NEGR1: variants seen among roughly 807,000 people sequenced by gnomAD.
NEGR1 encodes IgLON family member 4.
NEGR1 carries 10 observed loss-of-function variants against 40.9 expected under a neutral mutation model. That is an observed-to-expected ratio of 0.24 (90% CI 0.15 to 0.42). NEGR1 has a LOEUF of 0.42. Ranked by LOEUF, NEGR1 falls within the 10% of genes least tolerant of loss-of-function variation. NEGR1 has a pLI of 1.00. For missense variants in NEGR1, 352 were observed against 438.9 expected, an observed-to-expected ratio of 0.80 and a Z score of 1.77; for synonymous variants, 185 against 166.8, an observed-to-expected ratio of 1.11 and a Z score of -0.84.
At chr1:72,117,507 T>A (rs1017722086) in intron 1 of NEGR1, among the ~76,000 whole-genome samples, 3 of 151,734 alleles carry the variant, frequency 2.0e-5, no homozygotes, top group African/African-American at 7.2e-5. Context: ...ATATAAAACA[T>A]CTAGAATGAG....
At chr1:71,983,396 T>A (rs1646369759) in intron 1 of NEGR1, among the ~76,000 whole-genome samples, 1 of 152,140 alleles carries the variant, frequency 6.6e-6, no homozygotes. Context: ...TCAGATTAAA[T>A]AGCTTTTTAT....
intron 6 of NEGR1, among the ~76,000 whole-genome samples, chr1:71,552,761 T>A (rs1267526224): frequency 6.6e-6 from 1 of 151,306 alleles, no homozygotes; most frequent in African/African-American, 2.4e-5. Flanking sequence ...CTGAATAAAA[T>A]CTGGGTTTAC....
At chr1:72,065,353 G>A (rs1161848868) in intron 1 of NEGR1, among the ~76,000 whole-genome samples, 3 of 151,926 alleles carry the variant, frequency 2.0e-5, no homozygotes, top group Non-Finnish European at 2.9e-5. Flanking sequence ...TTACTGTCAG[G>A]TCCTAAATGG....
At chr1:71,920,420 C>G (rs1645705351) in intron 2 of NEGR1, among the ~76,000 whole-genome samples, 2 of 152,050 alleles carry the variant, frequency 1.3e-5, no homozygotes, top group African/African-American at 4.8e-5. Context: ...CACTTCATGC[C>G]TTGTAATTAA....
intron 5 of NEGR1, among the ~76,000 whole-genome samples, chr1:71,601,284 T>A (rs1407441836): frequency 6.6e-6 from 1 of 152,082 alleles, no homozygotes; most frequent in African/African-American, 2.4e-5. Flanking sequence ...CTCACACCAG[T>A]CAAAATGGCT....
At chr1:71,852,260 T>C (rs1659628728) in intron 2 of NEGR1, among the ~76,000 whole-genome samples, 1 of 152,120 alleles carries the variant, frequency 6.6e-6, no homozygotes, top group South Asian at 2.1e-4. Context: ...CAACATAAAG[T>C]GGTCTAACTC....
At chr1:71,748,485 T>G (rs1435453047) in intron 3 of NEGR1, among the ~76,000 whole-genome samples, 6 of 152,158 alleles carry the variant, frequency 3.9e-5, no homozygotes, top group Admixed American at 6.5e-5. Context: ...AACGTCAGTT[T>G]CCAAATAAAG....
chr1:72,015,863 G>A (rs1006654187), intron 1 of NEGR1, among the ~76,000 whole-genome samples: 2 of 151,850 alleles, frequency 1.3e-5, no homozygotes, highest in Non-Finnish European at 2.9e-5. Flanking sequence ...TTAAGTCCAT[G>A]ACCAAAATAA....
chr1:71,607,238 C>G (rs1032497642), intron 5 of NEGR1, among the ~76,000 whole-genome samples: 4 of 152,212 alleles, frequency 2.6e-5, no homozygotes, highest in Non-Finnish European at 5.9e-5. Context: ...CTGTGTTCCT[C>G]TTGACTCCAT....
chr1:71,763,180 C>T (rs1021979197), intron 3 of NEGR1, among the ~76,000 whole-genome samples: 17 of 152,070 alleles, frequency 1.1e-4, no homozygotes. Flanking sequence ...TAGAAATATA[C>T]ACAAACATTG....
At chr1:72,004,541 C>T (rs980903457) in intron 1 of NEGR1, among the ~76,000 whole-genome samples, 1 of 152,122 alleles carries the variant, frequency 6.6e-6, no homozygotes, top group African/African-American at 2.4e-5. Context: ...ACCTCGGCCT[C>T]CCAAAGTTCA....
intron 1 of NEGR1, among the ~76,000 whole-genome samples, chr1:72,118,001 C>G (rs913042371): frequency 6.6e-6 from 1 of 151,828 alleles, no homozygotes; most frequent in African/African-American, 2.4e-5. Context: ...GGAAGGAAGT[C>G]ATCAAACACT....
chr1:71,543,015 T>C (rs78444800), intron 6 of NEGR1, among the ~76,000 whole-genome samples: 2 of 151,832 alleles, frequency 1.3e-5, no homozygotes, highest in African/African-American at 4.8e-5. Context: ...CATGAGTATG[T>C]ATATATGACA....
chr1:71,438,845 T>C (rs982519432), intron 6 of NEGR1, among the ~76,000 whole-genome samples: 3 of 152,146 alleles, frequency 2.0e-5, no homozygotes, highest in African/African-American at 7.2e-5. Context: ...GGCTGGCAAG[T>C]CTCACTGGCC....
intron 6 of NEGR1, among the ~76,000 whole-genome samples, chr1:71,513,773 C>T (rs561902839): frequency 4.6e-5 from 7 of 151,826 alleles, no homozygotes; most frequent in Non-Finnish European, 5.9e-5. Context: ...GCGTGAGCGA[C>T]GCAGAAGACG....
intron 1 of NEGR1, among the ~76,000 whole-genome samples, chr1:72,081,613 A>T (rs1227696926): frequency 6.6e-6 from 1 of 152,084 alleles, no homozygotes; most frequent in African/African-American, 2.4e-5. Flanking sequence ...ATTGTATCCT[A>T]TGAAATAAGC....
At chr1:72,280,127 G>A (rs1157387668) in intron 1 of NEGR1, among the ~76,000 whole-genome samples, 2 of 152,104 alleles carry the variant, frequency 1.3e-5, no homozygotes, top group Admixed American at 1.3e-4. Context: ...AAATGGATGA[G>A]GTACAGAGCA....
rs1646556124 is a variant in NEGR1, at chr1:71,442,693, AC to A, written c.941-35124del. On this transcript the variant is annotated intron_variant, in intron 6 of 6. Coordinates refer to ENST00000357731, the MANE Select transcript of NEGR1 (RefSeq NM_173808.3). ...CACATCACATGGCAAAATCCTAACA[AC>A]TTTTTTAAAGTGCAGGGAAACAAGA... 3.3e-5 allele frequency among the ~76,000 whole-genome samples: 5 copies of A among 152,304 alleles called. No homozygotes were observed. In the South Asian group the frequency reaches 1.0e-3, roughly 32 times the overall value.
intron 6 of NEGR1, among the ~76,000 whole-genome samples, chr1:71,592,285 T>C (rs1228817366): frequency 6.6e-6 from 1 of 152,110 alleles, no homozygotes; most frequent in Non-Finnish European, 1.5e-5. Context: ...TTGAATAAAA[T>C]CTTAAGTTTT....
Sources: gnomAD v4.1 joint callset for allele counts (sites outside exome capture counted in the v4.1 genomes callset) on GRCh38, gnomAD v4.1.1 for gene constraint, MANE v1.5 for transcripts, NCBI Gene and HGNC (gene_info 2026-07-23, HGNC 2026-07-21) for gene names.